Variants in RANBP2 observed in about 807,000 individuals in gnomAD.
RANBP2 encodes the protein E3 SUMO-protein ligase RanBP2.
Under a neutral mutation model 303.6 loss-of-function variants are expected in RANBP2, and 57 were observed. The observed-to-expected ratio is 0.19, with a 90% CI of 0.15 to 0.23. The LOEUF (loss-of-function observed/expected upper bound fraction) is 0.23. Ranked by LOEUF, RANBP2 falls within the 10% of genes least tolerant of loss-of-function variation. RANBP2 has a pLI of 1.00. For missense variants in RANBP2, 3,138 were observed against 3,780.8 expected (o/e 0.83, Z 4.46); for synonymous variants, 1,167 against 1,301.5 (o/e 0.90, Z 2.23).
chr2:108,798,277 A>G, the RANBP2 span: 297 of 673,648 alleles, frequency 4.4e-4, 1 homozygote, highest in South Asian at 2.6e-4. Context: ...TTTACTTGCT[A>G]TACTAGTCTA....
chr2:109,466,230 G>A, the RANBP2 span, among the ~76,000 whole-genome samples: 12 of 151,766 alleles, frequency 7.9e-5, no homozygotes, highest in Non-Finnish European at 1.0e-4. Flanking sequence ...CTACAGGCGC[G>A]TGCCACCACA....
chr2:108,753,767 A>C, intron 14 of RANBP2, 58 bp from the exon 15 acceptor site: 1 of 1,611,508 alleles, frequency 6.2e-7, no homozygotes. Flanking sequence ...TGCGTGGCCA[A>C]GCTAAAAGTT....
At chr2:108,842,138 C>T in the RANBP2 span, among the ~76,000 whole-genome samples, 1 of 152,010 alleles carries the variant, frequency 6.6e-6, no homozygotes, top group African/African-American at 2.4e-5. Context: ...AGCAATCCTT[C>T]TGCCTCAGCC....
At chr2:109,104,619 G>T in the RANBP2 span, among the ~76,000 whole-genome samples, 6 of 152,052 alleles carry the variant, frequency 3.9e-5, no homozygotes, top group Admixed American at 6.6e-5. Flanking sequence ...GAGTAGCTGG[G>T]ACTGCAGGCG....
At chr2:109,057,324 A>C in the RANBP2 span, among the ~76,000 whole-genome samples, 2 of 152,196 alleles carry the variant, frequency 1.3e-5, no homozygotes, top group African/African-American at 4.8e-5. Flanking sequence ...GTAAAGAGAA[A>C]CTGGATTTTC....
At chr2:109,592,629 A>C in the RANBP2 span, among the ~76,000 whole-genome samples, 269 of 151,040 alleles carry the variant, frequency 1.8e-3, 2 homozygotes, top group African/African-American at 5.3e-3. Flanking sequence ...AATACAAAAA[A>C]GTTAGCCGGA....
chr2:109,328,883 C>T, the RANBP2 span, among the ~76,000 whole-genome samples: 1 of 152,170 alleles, frequency 6.6e-6, no homozygotes, highest in Non-Finnish European at 1.5e-5. Context: ...CTCCCAGTTG[C>T]CTTCTCCATG....
chr2:109,237,166 G>A, the RANBP2 span, among the ~76,000 whole-genome samples: 1 of 152,194 alleles, frequency 6.6e-6, no homozygotes, highest in Non-Finnish European at 1.5e-5. Context: ...GTTAATATTT[G>A]TAATATATGA....
At chr2:108,823,365 A>G in the RANBP2 span, among the ~76,000 whole-genome samples, 2 of 152,252 alleles carry the variant, frequency 1.3e-5, no homozygotes, top group African/African-American at 4.8e-5. Context: ...CTTGATAAAT[A>G]TTGATGCAAA....
chr2:109,542,108 C>G, the RANBP2 span, among the ~76,000 whole-genome samples: 1 of 152,134 alleles, frequency 6.6e-6, no homozygotes, highest in Non-Finnish European at 1.5e-5. Flanking sequence ...AAATTTTTAA[C>G]AAAACATGAC....
At chr2:109,117,793 AT>A in the RANBP2 span, among the ~76,000 whole-genome samples, 4 of 152,124 alleles carry the variant, frequency 2.6e-5, no homozygotes, top group Non-Finnish European at 4.4e-5. Flanking sequence ...TCCACCCAGC[AT>A]TTTTCAAAAA....
At chr2:109,794,696 C>G in the RANBP2 span, 27 of 745,198 alleles carry the variant, frequency 3.6e-5, no homozygotes, top group African/African-American at 6.5e-4. Flanking sequence ...TGTTGAGGCG[C>G]CGGCCGGCTG....
At chr2:109,233,585 T>C in the RANBP2 span, among the ~76,000 whole-genome samples, 2,611 of 152,320 alleles carry the variant, frequency 0.017, 39 homozygotes, top group African/African-American at 0.036. Context: ...TTTAGGGCCA[T>C]GGTGTCCAGG....
the RANBP2 span, among the ~76,000 whole-genome samples, chr2:109,478,987 C>T: frequency 2.0e-5 from 3 of 152,242 alleles, no homozygotes; most frequent in East Asian, 1.9e-4. Context: ...CTGCAGGTTT[C>T]GAGATTTGCT....
chr2:108,721,561 C>T (rs1276235993), intron 1 of RANBP2, among the ~76,000 whole-genome samples: 2 of 152,170 alleles, frequency 1.3e-5, no homozygotes, highest in South Asian at 2.1e-4. Flanking sequence ...CCACCTCAGT[C>T]TCCCGAGTAG....
chr2:109,700,406 TAAG>T, the RANBP2 span, among the ~76,000 whole-genome samples: 154 of 152,232 alleles, frequency 1.0e-3, no homozygotes, highest in African/African-American at 3.5e-3. Context: ...TCGATATATA[TAAG>T]AAGTAGATTG....
the RANBP2 span, among the ~76,000 whole-genome samples, chr2:109,699,970 G>T: frequency 6.6e-6 from 1 of 152,166 alleles, no homozygotes; most frequent in African/African-American, 2.4e-5. Context: ...ACTGCCTGTT[G>T]CTCAGTCTCT....
At chr2:108,979,648 C>A in the RANBP2 span, among the ~76,000 whole-genome samples, 1 of 152,118 alleles carries the variant, frequency 6.6e-6, no homozygotes, top group Non-Finnish European at 1.5e-5. Flanking sequence ...CTCCTGCCTC[C>A]CTACCCAGGG....
the RANBP2 span, among the ~76,000 whole-genome samples, chr2:109,578,586 G>A: frequency 6.6e-6 from 1 of 152,068 alleles, no homozygotes; most frequent in Non-Finnish European, 1.5e-5. Flanking sequence ...GGCCAACAGG[G>A]CGAAACCCCA....
Sources: allele counts gnomAD v4.1 joint callset (sites outside exome capture counted in the v4.1 genomes callset), GRCh38; gene constraint gnomAD v4.1.1; transcripts MANE v1.5; gene names NCBI Gene and HGNC (gene_info 2026-07-23, HGNC 2026-07-21).